Variants in CLPTM1 observed in about 807,000 individuals in gnomAD.
The protein encoded by CLPTM1 is CLPTM1 regulator of GABA type A receptor forward trafficking.
Under a neutral mutation model 77.3 loss-of-function variants are expected in CLPTM1, and 21 were observed. That is an observed-to-expected ratio of 0.27 (90% CI 0.19 to 0.39). The LOEUF (loss-of-function observed/expected upper bound fraction) is 0.39, where lower values mean the gene tolerates loss of function less well. Ranked by LOEUF, CLPTM1 falls within the 10% of genes least tolerant of loss-of-function variation. CLPTM1 has a pLI of 1.00. For missense variants in CLPTM1, 642 were observed against 921.2 expected (o/e 0.70, Z 3.92); for synonymous variants, 373 against 381.0 (o/e 0.98, Z 0.24).
rs762940200 is a variant in CLPTM1, at chr19:44,990,834, C to T, written c.1324-16C>T. 4 of 1,604,840 alleles carry T rather than the reference C, an allele frequency of 2.5e-6. No homozygotes were observed. Among genetic ancestry groups the T allele is most frequent in the South Asian group, 1.1e-5 (1 of 90,716 alleles). On this transcript the variant is annotated splice_polypyrimidine_tract_variant and intron_variant, in intron 10 of 13. Coordinates refer to ENST00000337392, the MANE Select transcript of CLPTM1 (RefSeq NM_001294.4). The surrounding 1 kb of genome is among the most constrained non-coding windows in gnomAD (Gnocchi z 4.8). ...GCCAGCGTAGCAACTGACCATGGCA[C>T]CCACCTCATCCACAGCTGGACCGAG...
chr19:44,975,138 G>A (rs543804046), intron 4 of CLPTM1, among the ~76,000 whole-genome samples: 51 of 152,308 alleles, frequency 3.3e-4, no homozygotes, highest in Non-Finnish European at 6.0e-4. Flanking sequence ...GACTCTCGCA[G>A]CCCTAGGCTC....
chr19:44,987,585 G>A, intron 8 of CLPTM1, 162 bp downstream of exon 8: 1 of 969,512 alleles, frequency 1.0e-6, no homozygotes, highest in Non-Finnish European at 1.5e-6. Context: ...AAGGAAGTGG[G>A]CACCCAGCCC....
intron 2 of CLPTM1, among the ~76,000 whole-genome samples, chr19:44,972,371 C>T (rs900253429): frequency 2.2e-4 from 34 of 151,826 alleles, no homozygotes; most frequent in African/African-American, 3.1e-4. Context: ...CCTCAGCCTC[C>T]GGAGTAGCTG....
rs752936619 is a variant in CLPTM1 at position 44,993,206 on chromosome 19, C to T, written c.*309C>T. The T allele has an allele frequency of 2.2e-5, 12 of 554,944 alleles. No homozygotes were observed. The highest frequency in any genetic ancestry group is 4.1e-5 in the East Asian group (1 of 24,142). 34.4% of individuals were successfully genotyped at this position (554,944 alleles called of 1,614,324 possible). On this transcript the variant is annotated 3_prime_UTR_variant, in exon 14 of 14. Transcript: ENST00000337392. ...GGGGTGGGTTGGGCGGGGGTGGGGC[C>T]GGGCCCCCCTACGGGATGCCCACGG... is the stretch of plus-strand genomic sequence containing the variant.
chr19:44,987,837 A>C (rs1600045370), intron 8 of CLPTM1: 1 of 581,170 alleles, frequency 1.7e-6, no homozygotes, highest in African/African-American at 1.9e-5. Context: ...GTGTCCCTTC[A>C]CCCACTCCCC....
At chr19:44,984,001 T>C (rs1970940232) in intron 5 of CLPTM1, among the ~76,000 whole-genome samples, 1 of 152,168 alleles carries the variant, frequency 6.6e-6, no homozygotes, top group Non-Finnish European at 1.5e-5. Context: ...AGGGCAGAGG[T>C]TGGGAGATGG....
rs1449174350 is a variant in CLPTM1, at chr19:44,974,323, CT to C, written c.310-115del. On this transcript the variant is annotated intron_variant, in intron 3 of 13. Transcript: ENST00000337392. ...TGCTGCTCTTCCTCTCTCCTCTCCC[CT>C]GTCCTCCATAATTACTGTTCCCCTG... 2.1e-4 allele frequency: 209 copies of C among 995,060 alleles called. 2 individuals carry two copies. The East Asian group carries it at 5.0e-3, about 24-fold the overall frequency. 61.6% of individuals were successfully genotyped at this position (995,060 alleles called of 1,614,324 possible).
intron 5 of CLPTM1, among the ~76,000 whole-genome samples, chr19:44,983,915 T>C (rs1397593246): frequency 6.6e-6 from 1 of 152,144 alleles, no homozygotes; most frequent in Non-Finnish European, 1.5e-5. Flanking sequence ...TGAGCCGAGA[T>C]TGTGCCACTG....
chr19:44,992,571 G>A lies in CLPTM1; in HGVS notation c.1724-40G>A, dbSNP rs778626442. On this transcript the variant is annotated intron_variant, in intron 13 of 13. Transcript: ENST00000337392. The surrounding 1 kb of genome is among the most constrained non-coding windows in gnomAD (Gnocchi z 7.7). ...CACCCAGGCCCACCTGGCTGTGGAC[G>A]GGCCAGCCCGACCTCACACTGCCTC... 16 of 1,609,260 alleles carry A rather than the reference G, an allele frequency of 9.9e-6. No homozygotes were observed. Among genetic ancestry groups the A allele is most frequent in the South Asian group, 2.2e-5 (2 of 90,932 alleles).
intron 6 of CLPTM1, among the ~76,000 whole-genome samples, chr19:44,985,627 A>G (rs1362169023): frequency 6.6e-6 from 1 of 152,204 alleles, no homozygotes; most frequent in Non-Finnish European, 1.5e-5. Flanking sequence ...TCTCACCCAC[A>G]CAGCCAGGCC....
Position 44,977,535 on chromosome 19 carries a change from G to A in CLPTM1, c.586+75G>A, listed in dbSNP as rs763625351. The A allele has an allele frequency of 8.4e-5, 97 of 1,148,418 alleles. 1 individual carries two copies. Among genetic ancestry groups the A allele is most frequent in the African/African-American group, 2.4e-4 (16 of 65,478 alleles). 71.1% of individuals were successfully genotyped at this position (1,148,418 alleles called of 1,614,324 possible). ...CTGGGAGCCCCCAGGCTAATGTGGC[G>A]GACAAATCCCAAGTCCAGGAGGGCA... On this transcript the variant is annotated intron_variant, in intron 5 of 13. Transcript: ENST00000337392.
At position 44,990,622 on chromosome 19, in the gene CLPTM1, G is replaced by A. The variant is rs749775078; in HGVS notation, c.1323+37G>A. The A allele has an allele frequency of 1.9e-6, 3 of 1,602,104 alleles. No homozygotes were observed. Among genetic ancestry groups the A allele is most frequent in the Admixed American group, 3.4e-5 (2 of 59,528 alleles). ...GCGCCATGCTGTCTCGGGAGCTGCA[G>A]GGGTTGGGAGGGGGTAGTGTGGCCC... On this transcript the variant is annotated intron_variant, in intron 10 of 13. Transcript: ENST00000337392. This position sits in a 1 kb window ranked among gnomAD's most constrained non-coding sequence, Gnocchi z 4.8.
In CLPTM1 at chr19:44,961,952, G is replaced by C; in HGVS notation, c.73-11G>C. On this transcript the variant is annotated splice_polypyrimidine_tract_variant and intron_variant, in intron 1 of 13. Transcript: ENST00000337392. Reference sequence around the variant, plus strand: ...ATTCTCCCTCCTTACCCTGGCCTCTGTCCCCCACAGGTGACCAGCAATGGC... The same window carrying C: ...ATTCTCCCTCCTTACCCTGGCCTCTCTCCCCCACAGGTGACCAGCAATGGC... 2 of 1,584,014 alleles carry C rather than the reference G, an allele frequency of 1.3e-6. No homozygotes were observed. The highest frequency in any genetic ancestry group is 1.7e-6 in the Non-Finnish European group (2 of 1,166,564).
chr19:44,990,744 C>A lies in CLPTM1; in HGVS notation c.1324-106C>A. 2 of 1,296,026 alleles carry A rather than the reference C, an allele frequency of 1.5e-6. No individual in the cohort carries two copies. Among genetic ancestry groups the A allele is most frequent in the Non-Finnish European group, 2.2e-6 (2 of 910,500 alleles). 80.3% of individuals were successfully genotyped at this position (1,296,026 alleles called of 1,614,324 possible). ...TCACCAGGGGATTTTTTGGGTCACACATGGGGCAGGGGAACTGGGAACGGT... is the reference window on the plus strand; with the variant it reads ...TCACCAGGGGATTTTTTGGGTCACAAATGGGGCAGGGGAACTGGGAACGGT... On this transcript the variant is annotated intron_variant, in intron 10 of 13. Transcript: ENST00000337392. The surrounding 1 kb of genome is among the most constrained non-coding windows in gnomAD (Gnocchi z 4.8).
chr19:44,974,097 G>A (rs1255696198), intron 3 of CLPTM1, among the ~76,000 whole-genome samples: 2 of 151,964 alleles, frequency 1.3e-5, no homozygotes, highest in East Asian at 1.9e-4. Context: ...GGACTGCTTC[G>A]TCCATAAGCC....
chr19:44,967,092 C>T (rs1036043300), intron 2 of CLPTM1, among the ~76,000 whole-genome samples: 5 of 152,130 alleles, frequency 3.3e-5, no homozygotes, highest in African/African-American at 7.2e-5. Context: ...CCACGCACCT[C>T]GGGCTCCCAA....
Position 44,992,470 on chromosome 19 carries a change from C to T in CLPTM1, c.1723+70C>T. The stretch of plus-strand genomic sequence containing the variant: ...CTGAGGCAGTCTTTAGGGCCCAGGC[C>T]TGAGGGGGTGCCACGGCCCCAGATG... On this transcript the variant is annotated intron_variant, in intron 13 of 13. Transcript: ENST00000337392. This position sits in a 1 kb window ranked among gnomAD's most constrained non-coding sequence, Gnocchi z 7.7. 1 of 1,600,072 alleles carries T rather than the reference C, an allele frequency of 6.2e-7. No homozygotes were observed. Among genetic ancestry groups the T allele is most frequent in the South Asian group, 1.1e-5 (1 of 90,260 alleles).
intron 7 of CLPTM1, chr19:44,986,829 T>G: frequency 1.9e-6 from 1 of 537,864 alleles, no homozygotes. Flanking sequence ...CAAACTGTTT[T>G]CAAAAAATGT....
chr19:44,987,281 C>A lies in CLPTM1; in HGVS notation c.896C>A (p.Ala299Asp), dbSNP rs1970994133. ...TACTACCCCATCAACGAGAGCCTGG[C>A]CAGCCTGCCGCTCCGCGTCTCCTTC... Reference protein sequence around the residue: ...KDYYPINESLASLPLRVSFCP... With the variant: ...KDYYPINESLDSLPLRVSFCP... The change falls in exon 8 of 14, where the codon GCC becomes GAC. Residue 299 changes from alanine to aspartate, a missense_variant. Ala to Asp is a moderately radical substitution (Grantham distance 126). Transcript: ENST00000337392. 6.2e-7 allele frequency: 1 copy of A among 1,614,168 alleles called. No homozygotes were observed. Among genetic ancestry groups the A allele is most frequent in the African/African-American group, 1.3e-5 (1 of 74,962 alleles).
Sources: gnomAD v4.1 joint callset for allele counts (sites outside exome capture counted in the v4.1 genomes callset) on GRCh38, gnomAD v4.1.1 for gene constraint, Gnocchi (gnomAD v3.1) non-coding constraint, MANE v1.5 for transcripts, NCBI Gene and HGNC (gene_info 2026-07-23, HGNC 2026-07-21) for gene names.